PASK: variants seen among roughly 807,000 people sequenced by gnomAD.
The protein encoded by PASK is PAS domain containing serine/threonine kinase, also known as PAS domain-containing serine/threonine-protein kinase.
A neutral mutation model predicts 121.0 loss-of-function variants in PASK; 110 were observed. That is an observed-to-expected ratio of 0.91 (90% CI 0.78 to 1.06). The LOEUF (loss-of-function observed/expected upper bound fraction) is 1.06, where lower values mean the gene tolerates loss of function less well. Among genes scored for constraint, PASK ranks in the 50% least tolerant of loss-of-function variants. PASK has a pLI of 0.00. For synonymous variants in PASK, 686 were observed against 717.8 expected (o/e 0.96, Z 0.71); for missense variants, 1,643 against 1,702.3 (o/e 0.97, Z 0.61).
chr2:241,149,303 G>A, intron 1 of PASK, 111 bp downstream of exon 1: 1 of 194,138 alleles, frequency 5.2e-6, no homozygotes, highest in Non-Finnish European at 1.1e-5. Flanking sequence ...GCTGGTCTAA[G>A]AGTCGGGCGG....
chr2:241,127,418 C>A lies in PASK; in HGVS notation c.1497G>T (p.Val499=). The A allele has an allele frequency of 6.2e-7, 1 of 1,614,098 alleles. No homozygotes were observed. Among genetic ancestry groups the A allele is most frequent in the Non-Finnish European group, 8.5e-7 (1 of 1,179,962 alleles). The change falls in exon 10 of 18, where the codon GTG becomes GTT. Residue 499 remains valine (V), a synonymous_variant. Coordinates refer to ENST00000234040, the MANE Select transcript of PASK (RefSeq NM_015148.4). Reference sequence around the variant, plus strand: ...CCTTGGGCAGCGCCTGTTCACCGTGCACTGGCAGGCTTCCTTCTGGGACAT... The same window carrying A: ...CCTTGGGCAGCGCCTGTTCACCGTGAACTGGCAGGCTTCCTTCTGGGACAT... ...VDNVPEGSLP[V]HGEQALPKDQ... is the part of the protein sequence containing the mutation.
At chr2:241,133,309 T>A in intron 8 of PASK, 1 of 485,350 alleles carries the variant, frequency 2.1e-6, no homozygotes, top group Non-Finnish European at 3.8e-6. Context: ...ACAGCTCCCA[T>A]CTGACTCTGG....
chr2:241,114,277 A>G (rs2065233748), intron 14 of PASK: 2 of 985,238 alleles, frequency 2.0e-6, no homozygotes, highest in South Asian at 4.7e-5. Flanking sequence ...ACAACCCGAG[A>G]GTGTGTAGCT....
chr2:241,113,380 AT>A (rs1559357739), intron 14 of PASK: 3 of 93,566 alleles, frequency 3.2e-5, no homozygotes, highest in African/African-American at 2.6e-4. Flanking sequence ...ACATACCTGC[AT>A]ATTTATATAT....
At chr2:241,148,316 C>A (rs939929234) in intron 1 of PASK, among the ~76,000 whole-genome samples, 1 of 152,180 alleles carries the variant, frequency 6.6e-6, no homozygotes, top group Non-Finnish European at 1.5e-5. Flanking sequence ...CCCCCTCCCA[C>A]CAGAACATAA....
intron 9 of PASK, among the ~76,000 whole-genome samples, chr2:241,131,598 G>A (rs187773280): frequency 1.1e-4 from 17 of 152,250 alleles, no homozygotes; most frequent in African/African-American, 3.9e-4. Context: ...AAATGCATGC[G>A]TCAGGCTCAA....
chr2:241,133,982 CAAA>C (rs371863045), intron 8 of PASK: 22,680 of 117,880 alleles, frequency 0.19, 2,157 homozygotes, highest in African/African-American at 0.32. Context: ...AACTCTGTCT[CAAA>C]AAAAAAAAAA....
Position 241,115,038 on chromosome 2 carries a change from C to T in PASK, c.3333+5G>A, listed in dbSNP as rs1575237417. ...CACACTAACACGGCTCTGGCCTGCT[C>T]TCACTTGTCGGAAGATGTAGCTCGC... is the stretch of plus-strand genomic sequence containing the variant. On this transcript the variant is annotated splice_donor_5th_base_variant and intron_variant, in intron 14 of 17. Transcript: ENST00000234040. 6 of 1,614,174 alleles carry T rather than the reference C, an allele frequency of 3.7e-6. No individual in the cohort carries two copies. The East Asian group carries it at 1.3e-4, about 36-fold the overall frequency.
chr2:241,130,237 A>G (rs2066063951), intron 9 of PASK, among the ~76,000 whole-genome samples: 3 of 152,226 alleles, frequency 2.0e-5, no homozygotes, highest in African/African-American at 7.2e-5. Context: ...TGAGCGGGGA[A>G]TGAATGGATA....
Position 241,108,531 on chromosome 2 carries a change from G to A in PASK, c.3534-231C>T, listed in dbSNP as rs987685119. 4 of 590,100 alleles carry A rather than the reference G, an allele frequency of 6.8e-6. No individual in the cohort carries two copies. The highest frequency in any genetic ancestry group is 5.6e-5 in the African/African-American group (3 of 54,010). 36.6% of individuals were successfully genotyped at this position (590,100 alleles called of 1,614,324 possible). On this transcript the variant is annotated intron_variant, in intron 15 of 17. Coordinates refer to ENST00000234040, the MANE Select transcript of PASK (RefSeq NM_015148.4). The surrounding 1 kb of genome is among the most constrained non-coding windows in gnomAD (Gnocchi z 5.2). ...GGAGAGGCCATCGGGCAGCTCCGAG[G>A]CTAATCAGGAACTTCCTTGTGGACA...
intron 10 of PASK, among the ~76,000 whole-genome samples, chr2:241,124,500 C>T (rs2065764370): frequency 6.6e-6 from 1 of 152,202 alleles, no homozygotes. Context: ...ACTCAACGTG[C>T]CCTACACACG....
At chr2:241,145,938 C>G (rs541526330) in intron 1 of PASK, 8 of 142,738 alleles carry the variant, frequency 5.6e-5, no homozygotes, top group African/African-American at 1.6e-4. Flanking sequence ...CTCCGTCCCC[C>G]CCAAAAAAAA....
intron 9 of PASK, chr2:241,127,675 A>C: frequency 1.8e-6 from 1 of 569,094 alleles, no homozygotes; most frequent in Non-Finnish European, 3.2e-6. Flanking sequence ...GAATGCTACC[A>C]AAAGCCCAAC....
In PASK at chr2:241,135,835, G is replaced by A. The variant is rs1179108814; in HGVS notation, c.1306+36C>T. 4 of 1,597,428 alleles carry A rather than the reference G, an allele frequency of 2.5e-6. No homozygotes were observed. The African/African-American group carries it at 5.4e-5, about 21-fold the overall frequency. ...GCATGGGGCTGTCTGGGGCTCAGCA[G>A]CTACAGGCGCATTCAGGAGGAAGAG... On this transcript the variant is annotated intron_variant, in intron 8 of 17. Coordinates refer to ENST00000234040, the MANE Select transcript of PASK (RefSeq NM_015148.4).
In PASK at chr2:241,135,986, G is replaced by A. The variant is rs1423467360; in HGVS notation, c.1191C>T (p.Asn397=). Residue 397 remains asparagine, a synonymous_variant, in exon 8 of 18, where the codon AAC becomes AAT. Coordinates refer to ENST00000234040, the MANE Select transcript of PASK (RefSeq NM_015148.4). ...GFYSYMDLAY[N]SSLQLPDLAS... is the part of the protein sequence containing the mutation. ...CCAGGTCTGGGAGCTGTAATGAGCT[G>A]TTGTACGCAAGGTCCATGTAGCTGT... 1.2e-6 allele frequency: 2 copies of A among 1,613,922 alleles called. No individual in the cohort carries two copies. Among genetic ancestry groups the A allele is most frequent in the South Asian group, 2.2e-5 (2 of 91,080 alleles).
intron 12 of PASK, chr2:241,118,759 G>A: frequency 1.1e-5 from 3 of 271,424 alleles, no homozygotes; most frequent in South Asian, 9.1e-5. Flanking sequence ...CCAGGGGCTG[G>A]CAGGGGCCCA....
intron 9 of PASK, 194 bp from the exon 10 acceptor site, chr2:241,127,645 T>C (rs1406879103): frequency 3.2e-6 from 2 of 626,964 alleles, no homozygotes; most frequent in Non-Finnish European, 5.7e-6. Context: ...TAAGTCCACA[T>C]TTAGAAATGA....
intron 9 of PASK, among the ~76,000 whole-genome samples, chr2:241,129,365 G>A (rs2066022547): frequency 6.6e-6 from 1 of 152,064 alleles, no homozygotes; most frequent in African/African-American, 2.4e-5. Context: ...AAAACCCTTG[G>A]GCCAGATGTG....
At chr2:241,113,771 C>T (rs1055792150) in intron 14 of PASK, 14 of 985,338 alleles carry the variant, frequency 1.4e-5, no homozygotes, top group Non-Finnish European at 1.7e-5. Flanking sequence ...TGCCCTGGAG[C>T]GGCCTGAACC....
Sources: allele counts gnomAD v4.1 joint callset (sites outside exome capture counted in the v4.1 genomes callset), GRCh38; gene constraint gnomAD v4.1.1; non-coding constraint Gnocchi (gnomAD v3.1); transcripts MANE v1.5; gene names NCBI Gene and HGNC (gene_info 2026-07-23, HGNC 2026-07-21).